The following LRMDA variants were observed in gnomAD, a reference collection of about 807,000 sequenced individuals.
LRMDA encodes the protein leucine-rich melanocyte differentiation-associated protein.
LRMDA carries 18 observed loss-of-function variants against 29.8 expected under a neutral mutation model. The observed-to-expected ratio is 0.60, with a 90% CI of 0.42 to 0.90. The LOEUF (loss-of-function observed/expected upper bound fraction) is 0.90. Ranked by LOEUF, LRMDA falls within the 40% of genes least tolerant of loss-of-function variation. The pLI is 0.00. For synonymous variants in LRMDA, 125 were observed against 109.4 expected (o/e 1.14, Z -0.89); for missense variants, 273 against 273.9 (o/e 1.00, Z 0.02).
At chr10:75,808,669 G>A (rs1020546576) in intron 2 of LRMDA, among the ~76,000 whole-genome samples, 5 of 151,832 alleles carry the variant, frequency 3.3e-5, no homozygotes, top group Admixed American at 6.6e-5. Context: ...ACCACCATGC[G>A]CAGCTAATTT....
At chr10:75,604,789 C>T (rs1490559256) in intron 2 of LRMDA, among the ~76,000 whole-genome samples, 1 of 152,152 alleles carries the variant, frequency 6.6e-6, no homozygotes, top group African/African-American at 2.4e-5. Flanking sequence ...ACTGGTGTTA[C>T]CTGCTGCCCC....
At chr10:76,398,479 C>T (rs1841813338) in intron 6 of LRMDA, among the ~76,000 whole-genome samples, 1 of 152,192 alleles carries the variant, frequency 6.6e-6, no homozygotes. Flanking sequence ...TAGTCAACGA[C>T]CCTCAAAGGG....
At chr10:75,546,849 A>G (rs1013044963) in intron 2 of LRMDA, among the ~76,000 whole-genome samples, 1 of 152,192 alleles carries the variant, frequency 6.6e-6, no homozygotes, top group Non-Finnish European at 1.5e-5. Context: ...TGTTAAATCT[A>G]TGTAAATCTA....
intron 4 of LRMDA, among the ~76,000 whole-genome samples, chr10:76,051,045 CCTTT>C (rs1331519277): frequency 6.6e-6 from 1 of 152,208 alleles, no homozygotes; most frequent in Non-Finnish European, 1.5e-5. Flanking sequence ...AACGTGACAC[CCTTT>C]CTTTGTTCCC....
intron 2 of LRMDA, among the ~76,000 whole-genome samples, chr10:75,519,547 A>T (rs1436181095): frequency 3.3e-5 from 5 of 152,022 alleles, no homozygotes; most frequent in African/African-American, 1.2e-4. Context: ...ATCTTCCTCC[A>T]TCCCTTTATT....
chr10:76,273,524 T>C (rs1014365756), intron 5 of LRMDA, among the ~76,000 whole-genome samples: 2 of 152,208 alleles, frequency 1.3e-5, no homozygotes, highest in Non-Finnish European at 2.9e-5. Flanking sequence ...TGTTCATTGC[T>C]TGTGTGTAAG....
intron 2 of LRMDA, among the ~76,000 whole-genome samples, chr10:75,810,045 A>T (rs145242105): frequency 8.9e-4 from 135 of 152,118 alleles, no homozygotes; most frequent in African/African-American, 3.1e-3. Flanking sequence ...TTGAGCTGAG[A>T]TGTGAGGGGA....
At chr10:75,667,544 T>C (rs974203038) in intron 2 of LRMDA, among the ~76,000 whole-genome samples, 2 of 152,172 alleles carry the variant, frequency 1.3e-5, no homozygotes, top group African/African-American at 4.8e-5. Context: ...AAAAGAATCC[T>C]CCTACCTTGG....
At chr10:76,228,402 G>A (rs1028218612) in intron 5 of LRMDA, among the ~76,000 whole-genome samples, 2 of 152,196 alleles carry the variant, frequency 1.3e-5, no homozygotes, top group East Asian at 1.9e-4. Context: ...TGTAATAGAC[G>A]GAGTTTAATA....
rs558288853 is a variant in LRMDA, at chr10:76,028,823, T to C, written c.132-7185T>C. Among the ~76,000 whole-genome samples the C allele has an allele frequency of 2.0e-5, 3 of 150,646 alleles. No homozygotes were observed. In the South Asian group the frequency reaches 6.4e-4, roughly 32 times the overall value. On this transcript the variant is annotated intron_variant, in intron 2 of 6. Transcript: ENST00000611255. ...ATGAGAAGCTTATTCAAAGCCTTTT[T>C]TTTTTTTTTTTTTGAGCCGAGTCTC...
At chr10:75,646,554 GCTGT>G (rs1439825009) in intron 2 of LRMDA, among the ~76,000 whole-genome samples, 1 of 152,176 alleles carries the variant, frequency 6.6e-6, no homozygotes, top group Non-Finnish European at 1.5e-5. Flanking sequence ...TATTAGTTAT[GCTGT>G]CTTTTGCAAT....
chr10:76,423,057 T>G (rs1430031976), intron 6 of LRMDA, among the ~76,000 whole-genome samples: 1 of 152,174 alleles, frequency 6.6e-6, no homozygotes, highest in African/African-American at 2.4e-5. Context: ...ATGTCCTCTT[T>G]TATAGCAAGG....
intron 6 of LRMDA, among the ~76,000 whole-genome samples, chr10:76,334,211 C>A (rs1168746433): frequency 2.0e-5 from 3 of 152,190 alleles, no homozygotes; most frequent in South Asian, 4.1e-4. Flanking sequence ...TGATTTGAAG[C>A]CAATGCTTTT....
chr10:76,222,094 C>G (rs2132259127), intron 5 of LRMDA, among the ~76,000 whole-genome samples: 1 of 151,928 alleles, frequency 6.6e-6, no homozygotes, highest in East Asian at 1.9e-4. Flanking sequence ...GGATCCCTTC[C>G]TTACACCTTA....
intron 5 of LRMDA, among the ~76,000 whole-genome samples, chr10:76,282,280 CTTAA>C (rs1252419404): frequency 6.6e-6 from 1 of 152,136 alleles, no homozygotes; most frequent in Non-Finnish European, 1.5e-5. Context: ...AAATTTTTAA[CTTAA>C]TTAATTGGCC....
At chr10:76,264,568 G>T (rs773404234) in intron 5 of LRMDA, among the ~76,000 whole-genome samples, 5 of 151,446 alleles carry the variant, frequency 3.3e-5, no homozygotes, top group South Asian at 2.1e-4. Flanking sequence ...TTCTCATGCT[G>T]TTTGCCCAAT....
intron 2 of LRMDA, among the ~76,000 whole-genome samples, chr10:75,813,129 G>A (rs140367572): frequency 1.5e-3 from 235 of 152,304 alleles, no homozygotes; most frequent in African/African-American, 5.4e-3. Context: ...GATCATGTTA[G>A]CAGGATAGGA....
At chr10:75,912,414 C>T (rs1401062506) in intron 2 of LRMDA, among the ~76,000 whole-genome samples, 1 of 152,010 alleles carries the variant, frequency 6.6e-6, no homozygotes, top group Non-Finnish European at 1.5e-5. Flanking sequence ...TCTTGGAAGC[C>T]CTCTTGGAAG....
chr10:76,287,433 G>A (rs1249106209), intron 5 of LRMDA, among the ~76,000 whole-genome samples: 3 of 152,064 alleles, frequency 2.0e-5, no homozygotes, highest in Non-Finnish European at 2.9e-5. Flanking sequence ...GTATAACACA[G>A]TGTCTTATAC....
Sources: gnomAD v4.1 joint callset for allele counts (sites outside exome capture counted in the v4.1 genomes callset) on GRCh38, gnomAD v4.1.1 for gene constraint, MANE v1.5 for transcripts, NCBI Gene and HGNC (gene_info 2026-07-23, HGNC 2026-07-21) for gene names.